Variants in ITFG1 observed in about 807,000 individuals in gnomAD.
ITFG1 encodes the protein T-cell immunomodulatory protein.
ITFG1 carries 34 observed loss-of-function variants against 81.8 expected under a neutral mutation model. The observed-to-expected ratio is 0.42, with a 90% CI of 0.32 to 0.55. ITFG1 has a LOEUF of 0.55. Among genes scored for constraint, ITFG1 ranks in the 20% least tolerant of loss-of-function variants. The pLI, the probability that ITFG1 is intolerant of heterozygous loss-of-function variation, is 0.17. For missense variants in ITFG1, 672 were observed against 755.4 expected, an observed-to-expected ratio of 0.89 and a Z score of 1.29; for synonymous variants, 285 against 270.6, an observed-to-expected ratio of 1.05 and a Z score of -0.52.
intron 10 of ITFG1, among the ~76,000 whole-genome samples, chr16:47,296,580 T>C (rs972890745): frequency 2.1e-4 from 32 of 152,176 alleles, no homozygotes; most frequent in Non-Finnish European, 3.5e-4. Flanking sequence ...GGATTACAGG[T>C]ACACGCCATC....
At chr16:47,221,967 TTCTC>T (rs1596816727) in intron 13 of ITFG1, among the ~76,000 whole-genome samples, 1 of 152,192 alleles carries the variant, frequency 6.6e-6, no homozygotes, top group East Asian at 1.9e-4. Context: ...TATTTGATTC[TTCTC>T]TCTTTTTTTC....
chr16:47,406,884 T>C (rs1012044960), intron 6 of ITFG1, among the ~76,000 whole-genome samples: 2 of 152,166 alleles, frequency 1.3e-5, no homozygotes, highest in Admixed American at 1.3e-4. Flanking sequence ...GATCTGGATA[T>C]CCGCAGGAAT....
chr16:47,449,602 T>C (rs1969364349), intron 5 of ITFG1: 1 of 152,212 alleles, frequency 6.6e-6, no homozygotes, highest in African/African-American at 2.4e-5. Flanking sequence ...TATGGTTAGC[T>C]ACTATTGTTT....
chr16:47,162,043 T>G (rs966981713), intron 15 of ITFG1, among the ~76,000 whole-genome samples: 11 of 152,204 alleles, frequency 7.2e-5, no homozygotes, highest in African/African-American at 2.7e-4. Flanking sequence ...TATATTTGTG[T>G]TTTATGAATT....
intron 6 of ITFG1, among the ~76,000 whole-genome samples, chr16:47,410,666 G>A (rs1424109730): frequency 6.6e-6 from 1 of 152,120 alleles, no homozygotes; most frequent in Non-Finnish European, 1.5e-5. Context: ...TCCTAAGGAA[G>A]GTGTGAGTGA....
Position 47,297,631 on chromosome 16 carries a change from C to CT in ITFG1, c.1070+13608dup, listed in dbSNP as rs767640557. Reference sequence around the variant, plus strand: ...TATAAAATTCCTGATTGACAGTTTGCTTTTTTTTTTTTTTTTCTCTTTAAG... The same window carrying CT: ...TATAAAATTCCTGATTGACAGTTTGCTTTTTTTTTTTTTTTTTCTCTTTAAG... On this transcript the variant is annotated intron_variant, in intron 10 of 17. Transcript: ENST00000320640. Among the ~76,000 whole-genome samples the CT allele has an allele frequency of 6.3e-3, 833 of 132,858 alleles. 4 individuals carry two copies. The highest frequency in any genetic ancestry group is 9.1e-3 in the East Asian group (42 of 4,626). The allele number at this position is 132,858 out of a possible 152,430, so 87.2% of individuals were successfully genotyped here.
intron 3 of ITFG1, among the ~76,000 whole-genome samples, chr16:47,453,336 C>A (rs1969412326): frequency 1.3e-5 from 2 of 152,152 alleles, no homozygotes; most frequent in African/African-American, 4.8e-5. Context: ...TCAGATAAGG[C>A]TTGATGATTT....
At chr16:47,247,528 A>G (rs1430924543) in intron 12 of ITFG1, among the ~76,000 whole-genome samples, 4 of 152,142 alleles carry the variant, frequency 2.6e-5, no homozygotes, top group African/African-American at 4.8e-5. Context: ...ACTCCTTTCA[A>G]GCTTCCTATT....
intron 14 of ITFG1, among the ~76,000 whole-genome samples, chr16:47,181,661 C>G (rs1965125223): frequency 6.6e-6 from 1 of 151,960 alleles, no homozygotes. Context: ...TCTGCCCGGC[C>G]ACCACCCCAT....
At chr16:47,171,196 C>T (rs1964956542) in intron 14 of ITFG1, among the ~76,000 whole-genome samples, 2 of 151,840 alleles carry the variant, frequency 1.3e-5, no homozygotes, top group South Asian at 4.1e-4. Context: ...TTTGTAGAGA[C>T]AAGGACTCAC....
At chr16:47,241,881 G>A (rs1965938890) in intron 12 of ITFG1, among the ~76,000 whole-genome samples, 1 of 151,822 alleles carries the variant, frequency 6.6e-6, no homozygotes, top group African/African-American at 2.4e-5. Flanking sequence ...GTGAACCTGG[G>A]AGGCGGAGCT....
At chr16:47,261,372 A>T (rs1966207645) in intron 10 of ITFG1, among the ~76,000 whole-genome samples, 1 of 152,220 alleles carries the variant, frequency 6.6e-6, no homozygotes, top group South Asian at 2.1e-4. Context: ...TACTTAGAGC[A>T]TAGGTTGTTA....
chr16:47,455,366 C>T (rs1969438066), intron 2 of ITFG1, among the ~76,000 whole-genome samples: 1 of 151,312 alleles, frequency 6.6e-6, no homozygotes, highest in African/African-American at 2.4e-5. Flanking sequence ...CAAAATTACA[C>T]TTAAGAGAAA....
intron 10 of ITFG1, among the ~76,000 whole-genome samples, chr16:47,295,236 T>C (rs1318252577): frequency 6.6e-6 from 1 of 152,218 alleles, no homozygotes; most frequent in Non-Finnish European, 1.5e-5. Flanking sequence ...AGTATTATGT[T>C]GAGGATTTTT....
At chr16:47,437,033 A>G (rs1012944039) in intron 5 of ITFG1, among the ~76,000 whole-genome samples, 7 of 152,212 alleles carry the variant, frequency 4.6e-5, no homozygotes, top group African/African-American at 1.7e-4. Context: ...CTTTGCCAAT[A>G]ATATACGGTT....
At chr16:47,380,753 GT>G (rs955467490) in intron 6 of ITFG1, among the ~76,000 whole-genome samples, 4 of 152,092 alleles carry the variant, frequency 2.6e-5, no homozygotes, top group Non-Finnish European at 5.9e-5. Context: ...TTGGATATGG[GT>G]TTGTCTTTCC....
chr16:47,212,623 T>C (rs1421988158), intron 14 of ITFG1, among the ~76,000 whole-genome samples: 1 of 152,236 alleles, frequency 6.6e-6, no homozygotes, highest in Non-Finnish European at 1.5e-5. Context: ...CTTAGTAATT[T>C]TAAGATTATT....
intron 7 of ITFG1, among the ~76,000 whole-genome samples, chr16:47,370,279 G>A (rs190459028): frequency 2.0e-5 from 3 of 152,216 alleles, no homozygotes; most frequent in Admixed American, 6.5e-5. Flanking sequence ...TAAAGTCCCC[G>A]ACCAGAGTGA....
chr16:47,172,133 A>G (rs144666904), intron 14 of ITFG1, among the ~76,000 whole-genome samples: 2 of 152,354 alleles, frequency 1.3e-5, no homozygotes, highest in African/African-American at 2.4e-5. Context: ...ATCAAACTAA[A>G]TGCTAAACAT....
Sources: allele counts gnomAD v4.1 joint callset (sites outside exome capture counted in the v4.1 genomes callset), GRCh38; gene constraint gnomAD v4.1.1; transcripts MANE v1.5; gene names NCBI Gene and HGNC (gene_info 2026-07-23, HGNC 2026-07-21).